TCF12: variants seen among roughly 807,000 people sequenced by gnomAD.
TCF12 encodes transcription factor 12, also known as DNA-binding protein HTF4.
TCF12 carries 45 observed loss-of-function variants against 86.0 expected under a neutral mutation model. The observed-to-expected ratio is 0.52, with a 90% CI of 0.41 to 0.67. The LOEUF (loss-of-function observed/expected upper bound fraction) is 0.67, where lower values mean the gene tolerates loss of function less well. Among genes scored for constraint, TCF12 ranks in the 30% least tolerant of loss-of-function variants. The pLI, the probability that TCF12 is intolerant of heterozygous loss-of-function variation, is 0.00. For missense variants in TCF12, 881 were observed against 859.9 expected, an observed-to-expected ratio of 1.02 and a Z score of -0.31; for synonymous variants, 330 against 299.6, an observed-to-expected ratio of 1.10 and a Z score of -1.05.
chr15:57,290,267 C>T (rs543219058), downstream of TCF12, among the ~76,000 whole-genome samples: 10 of 147,244 alleles, frequency 6.8e-5, no homozygotes, highest in East Asian at 1.6e-3. Context: ...CACTTGAACC[C>T]GGGAGGTGGA....
intron 5 of TCF12, among the ~76,000 whole-genome samples, chr15:57,145,781 A>C (rs911073651): frequency 1.2e-4 from 19 of 152,128 alleles, no homozygotes; most frequent in African/African-American, 4.1e-4. Context: ...AGCTAACTCT[A>C]TGCCCAAAGG....
At chr15:57,155,692 G>A (rs2054066987) in intron 5 of TCF12, among the ~76,000 whole-genome samples, 1 of 152,118 alleles carries the variant, frequency 6.6e-6, no homozygotes, top group Admixed American at 6.6e-5. Flanking sequence ...CTACTTGGAA[G>A]GCTGAAGCAG....
intron 3 of TCF12, among the ~76,000 whole-genome samples, chr15:56,968,527 T>A (rs1334368965): frequency 6.6e-6 from 1 of 152,156 alleles, no homozygotes; most frequent in Non-Finnish European, 1.5e-5. Context: ...TGGCCTCATA[T>A]CACTTTTATA....
intron 6 of TCF12, among the ~76,000 whole-genome samples, chr15:57,170,796 A>T (rs1387961048): frequency 0.05 from 1,878 of 37,428 alleles, 146 homozygotes; most frequent in African/African-American, 0.16. Context: ...TATATAATAT[A>T]TATATATAAT....
At chr15:57,265,064 GATAAATAGTATAGTATAGTATAGT>G (rs1312339025) in intron 18 of TCF12, among the ~76,000 whole-genome samples, 1 of 143,934 alleles carries the variant, frequency 6.9e-6, no homozygotes, top group Non-Finnish European at 1.5e-5. Context: ...ATACTCTAAT[GATAAATAGTATAGTATAGTATAGT>G]ATAGTATAGT....
chr15:57,104,276 A>G (rs966799500), intron 5 of TCF12, among the ~76,000 whole-genome samples: 3 of 152,164 alleles, frequency 2.0e-5, no homozygotes, highest in African/African-American at 7.2e-5. Context: ...CATAATTGGA[A>G]GATAGAGGAA....
intron 5 of TCF12, among the ~76,000 whole-genome samples, chr15:57,161,709 G>T (rs940169780): frequency 6.6e-6 from 1 of 152,132 alleles, no homozygotes; most frequent in Non-Finnish European, 1.5e-5. Flanking sequence ...GTGAAATTTA[G>T]CATGGCCTTC....
At chr15:57,242,572 CAA>C (rs1322282601) in intron 12 of TCF12, among the ~76,000 whole-genome samples, 2 of 152,136 alleles carry the variant, frequency 1.3e-5, no homozygotes, top group African/African-American at 4.8e-5. Context: ...GAAGCTGAGA[CAA>C]GAGAATCGCT....
At chr15:57,097,354 CCT>C (rs1488467571) in intron 5 of TCF12, among the ~76,000 whole-genome samples, 1 of 151,562 alleles carries the variant, frequency 6.6e-6, no homozygotes, top group Non-Finnish European at 1.5e-5. Context: ...ATGGTGAAAC[CCT>C]GTCTCTACAA....
intron 3 of TCF12, among the ~76,000 whole-genome samples, chr15:56,958,563 A>G (rs1395774492): frequency 6.6e-6 from 1 of 152,110 alleles, no homozygotes; most frequent in Admixed American, 6.5e-5. Context: ...TGACTACCAT[A>G]CTGGAGAGTA....
intron 3 of TCF12, among the ~76,000 whole-genome samples, chr15:56,984,293 T>TGTGTGTGA (rs1491300802): frequency 5.7e-5 from 8 of 140,130 alleles, no homozygotes; most frequent in Non-Finnish European, 7.8e-5. Context: ...TGTGTGTGTG[T>TGTGTGTGA]GAAGGGTGGA....
intron 8 of TCF12, among the ~76,000 whole-genome samples, chr15:57,217,206 T>G (rs1243347735): frequency 2.0e-5 from 3 of 152,182 alleles, no homozygotes; most frequent in Non-Finnish European, 4.4e-5. Context: ...ACATTCAGGT[T>G]TCATGTTTAA....
chr15:56,926,625 C>G (rs2060027649), intron 3 of TCF12, among the ~76,000 whole-genome samples: 1 of 152,080 alleles, frequency 6.6e-6, no homozygotes, highest in Admixed American at 6.6e-5. Flanking sequence ...CTGTACAGTT[C>G]AGAGAGAGAG....
intron 6 of TCF12, among the ~76,000 whole-genome samples, chr15:57,175,495 GAACAAGATCATTTCCACTTTGT>G (rs1221496178): frequency 1.3e-5 from 2 of 152,170 alleles, no homozygotes; most frequent in Non-Finnish European, 2.9e-5. Context: ...GTAATGTCAA[GAACAAGATCATTTCCACTTTGT>G]AACAAGATTA....
At chr15:57,036,459 C>T (rs927929218) in intron 3 of TCF12, among the ~76,000 whole-genome samples, 2 of 152,178 alleles carry the variant, frequency 1.3e-5, no homozygotes, top group Non-Finnish European at 2.9e-5. Flanking sequence ...CACCATTTTA[C>T]ATTCCCAGCA....
At chr15:57,247,602 C>T (rs150849943) in intron 13 of TCF12, 5 of 827,862 alleles carry the variant, frequency 6.0e-6, no homozygotes, top group East Asian at 2.4e-5. Flanking sequence ...TCAATCTTGC[C>T]ATACTTTTCA....
chr15:56,958,531 C>G (rs181868872), intron 3 of TCF12, among the ~76,000 whole-genome samples: 17 of 152,188 alleles, frequency 1.1e-4, no homozygotes, highest in Non-Finnish European at 1.9e-4. Context: ...ATTCCAAATG[C>G]TTAAAAGCCG....
At chr15:57,077,241 G>T (rs1395013394) in intron 4 of TCF12, among the ~76,000 whole-genome samples, 1 of 151,756 alleles carries the variant, frequency 6.6e-6, no homozygotes, top group Non-Finnish European at 1.5e-5. Flanking sequence ...AGTTGGAGGG[G>T]GAACTTAACA....
chr15:57,255,684 A>G (rs1158253067), intron 16 of TCF12, among the ~76,000 whole-genome samples: 2 of 152,188 alleles, frequency 1.3e-5, no homozygotes, highest in African/African-American at 2.4e-5. Context: ...GGGTTTCACC[A>G]TATTGGCCAG....
Sources: gnomAD v4.1 joint callset for allele counts (sites outside exome capture counted in the v4.1 genomes callset) on GRCh38, gnomAD v4.1.1 for gene constraint, MANE v1.5 for transcripts, NCBI Gene and HGNC (gene_info 2026-07-23, HGNC 2026-07-21) for gene names.